The following AKAP6 variants were observed in gnomAD, a reference collection of about 807,000 sequenced individuals.
The protein encoded by AKAP6 is A-kinase anchor protein 6.
AKAP6 carries 58 observed loss-of-function variants against 188.5 expected under a neutral mutation model. The ratio of observed to expected loss-of-function variants is 0.31; its 90% CI spans 0.25 to 0.38. The LOEUF (loss-of-function observed/expected upper bound fraction) is 0.38, where lower values mean the gene tolerates loss of function less well. Among genes scored for constraint, AKAP6 ranks in the 10% least tolerant of loss-of-function variants. The pLI, the probability that AKAP6 is intolerant of heterozygous loss-of-function variation, is 1.00. For synonymous variants in AKAP6, 989 were observed against 998.6 expected, an observed-to-expected ratio of 0.99 and a Z score of 0.18; for missense variants, 2,710 against 2,740.0, an observed-to-expected ratio of 0.99 and a Z score of 0.24.
At position 32,830,276 on chromosome 14, in the gene AKAP6, T is replaced by C. The variant is rs4261436; in HGVS notation, c.*471T>C. ...TTTTTTTAACGGTATAATGACTGTG[T>C]TTATTGAAAGAGTTTTACCTAAAAA... On this transcript the variant is annotated 3_prime_UTR_variant, in exon 14 of 14. Transcript: ENST00000280979. The C allele has an allele frequency of 0.46, 118,138 of 254,750 alleles. 30,036 individuals carry two copies. Among genetic ancestry groups the C allele is most frequent in the Non-Finnish European group, 0.55 (74,093 of 135,348 alleles). 15.8% of individuals were successfully genotyped at this position (254,750 alleles called of 1,614,324 possible).
chr14:32,457,289 G>GCTT (rs1458339419), intron 2 of AKAP6, among the ~76,000 whole-genome samples: 1 of 152,132 alleles, frequency 6.6e-6, no homozygotes, highest in Non-Finnish European at 1.5e-5. Context: ...AGGGGGAAAG[G>GCTT]CTGAAGCTCC....
intron 9 of AKAP6, among the ~76,000 whole-genome samples, chr14:32,717,991 G>T (rs548363742): frequency 2.6e-5 from 4 of 152,186 alleles, no homozygotes; most frequent in African/African-American, 9.6e-5. Context: ...TTGTCACTTT[G>T]TATGGCATTC....
intron 2 of AKAP6, among the ~76,000 whole-genome samples, chr14:32,469,304 A>G (rs1015210789): frequency 6.6e-6 from 1 of 152,198 alleles, no homozygotes; most frequent in African/African-American, 2.4e-5. Context: ...AGTGTATAAC[A>G]AACTATGATC....
At chr14:32,809,933 G>A (rs1045400425) in intron 12 of AKAP6, among the ~76,000 whole-genome samples, 1 of 151,808 alleles carries the variant, frequency 6.6e-6, no homozygotes. Flanking sequence ...CTGATTGCTC[G>A]CTATTTATTA....
chr14:32,605,805 A>T (rs192955745), intron 7 of AKAP6, among the ~76,000 whole-genome samples: 37 of 152,338 alleles, frequency 2.4e-4, no homozygotes, highest in African/African-American at 8.4e-4. Flanking sequence ...CTAAAGAGGA[A>T]TTAAAATTAA....
intron 2 of AKAP6, among the ~76,000 whole-genome samples, chr14:32,471,481 C>G (rs1878777445): frequency 6.6e-6 from 1 of 152,202 alleles, no homozygotes; most frequent in Admixed American, 6.5e-5. Flanking sequence ...GCAGGCTGAA[C>G]CTTTTAATAG....
At chr14:32,523,069 C>T (rs75311615) in intron 2 of AKAP6, among the ~76,000 whole-genome samples, 112 of 151,888 alleles carry the variant, frequency 7.4e-4, no homozygotes, top group African/African-American at 2.7e-3. Flanking sequence ...AGCAAACTAT[C>T]ACCAAGGACA....
intron 9 of AKAP6, among the ~76,000 whole-genome samples, chr14:32,697,476 CA>C (rs1392682843): frequency 6.6e-6 from 1 of 152,152 alleles, no homozygotes; most frequent in Admixed American, 6.6e-5. Context: ...GATGACTTCA[CA>C]TTTCACATCA....
chr14:32,593,775 A>G (rs1397198115), intron 5 of AKAP6, among the ~76,000 whole-genome samples: 2 of 152,172 alleles, frequency 1.3e-5, no homozygotes, highest in African/African-American at 4.8e-5. Context: ...CAGGGCACAC[A>G]CTTGAGGCAA....
At chr14:32,465,484 G>A (rs909795111) in intron 2 of AKAP6, among the ~76,000 whole-genome samples, 1 of 152,110 alleles carries the variant, frequency 6.6e-6, no homozygotes, top group African/African-American at 2.4e-5. Flanking sequence ...AACAAGCAAT[G>A]GGGCAAGGAT....
At chr14:32,530,960 G>A (rs1882387363) in intron 2 of AKAP6, among the ~76,000 whole-genome samples, 1 of 152,160 alleles carries the variant, frequency 6.6e-6, no homozygotes, top group Non-Finnish European at 1.5e-5. Flanking sequence ...ACAGTCTCAG[G>A]TCACCTCAGT....
chr14:32,398,329 C>G (rs942310683), intron 1 of AKAP6, among the ~76,000 whole-genome samples: 1 of 152,160 alleles, frequency 6.6e-6, no homozygotes, highest in Non-Finnish European at 1.5e-5. Context: ...CTCTAAGCCT[C>G]TGTTTAAACC....
chr14:32,725,766 T>C lies in AKAP6; in HGVS notation c.3001-6688T>C, dbSNP rs564044800. Among the ~76,000 whole-genome samples the C allele has an allele frequency of 7.2e-5, 11 of 152,284 alleles. No individual in the cohort carries two copies. The South Asian group carries it at 2.3e-3, about 32-fold the overall frequency. On this transcript the variant is annotated intron_variant, in intron 9 of 13. Transcript: ENST00000280979. Reference sequence around the variant, plus strand: ...CTGAAAAAAATATCAACCATAAAAATGCAGTTTATAAGGTATTATGAGTTG... The same window carrying C: ...CTGAAAAAAATATCAACCATAAAAACGCAGTTTATAAGGTATTATGAGTTG...
rs2034878709 is a variant in AKAP6, at chr14:32,836,661, A to T, written c.*6856A>T. The T allele has an allele frequency of 6.6e-6, 1 of 152,186 alleles. No homozygotes were observed. The highest frequency in any genetic ancestry group is 2.4e-5 in the African/African-American group (1 of 41,438). The allele number at this position is 152,186 out of a possible 1,614,324, so 9.4% of individuals were successfully genotyped here. On this transcript the variant is annotated 3_prime_UTR_variant, in exon 14 of 14. Coordinates refer to ENST00000280979, the MANE Select transcript of AKAP6 (RefSeq NM_004274.5). ...CAATCTAATTCATACTCAAAAAAGTATTCCAAAATTTTGGTACTCTATTAT... is the reference window on the plus strand; with the variant it reads ...CAATCTAATTCATACTCAAAAAAGTTTTCCAAAATTTTGGTACTCTATTAT...
chr14:32,329,847 G>A (rs1003835160), intron 1 of AKAP6, among the ~76,000 whole-genome samples: 3 of 151,968 alleles, frequency 2.0e-5, no homozygotes, highest in East Asian at 1.9e-4. Flanking sequence ...TATTTACCTC[G>A]GTTGGGTTTC....
At chr14:32,470,697 G>A (rs535427004) in intron 2 of AKAP6, among the ~76,000 whole-genome samples, 1 of 152,322 alleles carries the variant, frequency 6.6e-6, no homozygotes, top group East Asian at 1.9e-4. Flanking sequence ...ATAGAGGTAG[G>A]CTTAAATAAT....
chr14:32,529,898 C>G (rs752980697), intron 2 of AKAP6, among the ~76,000 whole-genome samples: 2 of 149,302 alleles, frequency 1.3e-5, no homozygotes, highest in African/African-American at 2.5e-5. Context: ...TGTATTAGGT[C>G]AGAATCTCTT....
chr14:32,765,792 T>C (rs968510189), intron 11 of AKAP6, among the ~76,000 whole-genome samples: 1 of 152,066 alleles, frequency 6.6e-6, no homozygotes, highest in South Asian at 2.1e-4. Context: ...AGTGATTGTA[T>C]GGTATTAGTT....
At chr14:32,649,539 T>C (rs1566625251) in intron 7 of AKAP6, among the ~76,000 whole-genome samples, 1 of 152,154 alleles carries the variant, frequency 6.6e-6, no homozygotes, top group Non-Finnish European at 1.5e-5. Context: ...TACAATAAAC[T>C]CCAATGTAAT....
Sources: gnomAD v4.1 joint callset for allele counts (sites outside exome capture counted in the v4.1 genomes callset) on GRCh38, gnomAD v4.1.1 for gene constraint, MANE v1.5 for transcripts, NCBI Gene and HGNC (gene_info 2026-07-23, HGNC 2026-07-21) for gene names.